Variants in FHIT observed in about 807,000 individuals in gnomAD.
FHIT encodes the protein bis(5'-adenosyl)-triphosphatase.
Under a neutral mutation model 17.9 loss-of-function variants are expected in FHIT, and 19 were observed. That is an observed-to-expected ratio of 1.06 (90% CI 0.74 to 1.56). FHIT has a LOEUF of 1.56. Ranked by LOEUF, FHIT falls within the 40% of genes most tolerant of loss-of-function variation. The pLI is 0.00. For synonymous variants in FHIT, 81 were observed against 69.7 expected (o/e 1.16, Z -0.81); for missense variants, 248 against 189.2 (o/e 1.31, Z -1.82).
intron 4 of FHIT, among the ~76,000 whole-genome samples, chr3:60,686,427 A>G (rs534215508): frequency 5.9e-5 from 9 of 152,222 alleles, no homozygotes; most frequent in Non-Finnish European, 4.4e-5. Context: ...TTACTTTTGC[A>G]CCAACCTAAT....
intron 3 of FHIT, among the ~76,000 whole-genome samples, chr3:60,860,762 AT>A (rs377160713): frequency 0.4 from 5,237 of 13,082 alleles, 2,221 homozygotes; most frequent in Non-Finnish European, 0.6. Context: ...GGTATATATG[AT>A]ACATATGTAT....
rs183365175 is a variant in FHIT, at chr3:60,079,937, T to C, written c.104-65785A>G. ...AGGTACAGTAAAGATGTGCTAATGA[T>C]AGATTTTTTTTCTACTCCAATATGT... is the stretch of plus-strand genomic sequence containing the variant. On this transcript the variant is annotated intron_variant, in intron 5 of 9. Transcript: ENST00000492590. 2.0e-3 allele frequency among the ~76,000 whole-genome samples: 300 copies of C among 152,300 alleles called. 2 individuals are homozygous for C. Among genetic ancestry groups the C allele is most frequent in the Non-Finnish European group, 3.2e-3 (219 of 68,024 alleles).
intron 5 of FHIT, among the ~76,000 whole-genome samples, chr3:60,129,053 GTTT>G (rs72428863): frequency 2.4e-5 from 3 of 123,484 alleles, no homozygotes; most frequent in Admixed American, 8.6e-5. Context: ...TTTTTTGTTT[GTTT>G]TTTTTTTTTT....
chr3:59,928,719 G>A (rs116391701), intron 7 of FHIT, among the ~76,000 whole-genome samples: 3,844 of 152,270 alleles, frequency 0.025, 173 homozygotes, highest in African/African-American at 0.087. Flanking sequence ...CAGATAGGCC[G>A]GGTGCGGCGG....
At chr3:60,184,372 AGTTG>A in intron 5 of FHIT, among the ~76,000 whole-genome samples, 1 of 150,820 alleles carries the variant, frequency 6.6e-6, no homozygotes, top group Admixed American at 6.6e-5. Context: ...GACTTTTCTT[AGTTG>A]TGACAGTTTA....
chr3:60,220,856 C>A (rs959695403), intron 5 of FHIT, among the ~76,000 whole-genome samples: 1 of 152,106 alleles, frequency 6.6e-6, no homozygotes, highest in Non-Finnish European at 1.5e-5. Flanking sequence ...AAGCCACAGT[C>A]GATGCCATTT....
chr3:60,472,682 G>C (rs536911301), intron 5 of FHIT, among the ~76,000 whole-genome samples: 2 of 152,070 alleles, frequency 1.3e-5, no homozygotes, highest in African/African-American at 4.8e-5. Context: ...TAAAAGCAGC[G>C]CTCGTCTTTG....
chr3:60,316,861 C>T lies in FHIT; in HGVS notation c.103+219999G>A, dbSNP rs1348018832. Among the ~76,000 whole-genome samples the T allele has an allele frequency of 2.0e-5, 3 of 152,262 alleles. No homozygotes were observed. In the East Asian group the frequency reaches 5.8e-4, roughly 29 times the overall value. ...TTGATTACTGATGGATTATACACAG[C>T]AATGTAGTGTGGTCTGAGGACTTTG... On this transcript the variant is annotated intron_variant, in intron 5 of 9. Coordinates refer to ENST00000492590, the MANE Select transcript of FHIT (RefSeq NM_002012.4).
chr3:60,820,161 A>T (rs1317593272), intron 4 of FHIT, among the ~76,000 whole-genome samples: 1 of 152,062 alleles, frequency 6.6e-6, no homozygotes, highest in African/African-American at 2.4e-5. Context: ...TACAAAAATT[A>T]GGTGGGCCTG....
At chr3:60,272,073 C>A (rs1370062569) in intron 5 of FHIT, among the ~76,000 whole-genome samples, 1 of 152,176 alleles carries the variant, frequency 6.6e-6, no homozygotes, top group Non-Finnish European at 1.5e-5. Flanking sequence ...TCAAGCTCTA[C>A]ACCACGCTGC....
In FHIT at chr3:60,267,656, A is replaced by G. The variant is rs185376104; in HGVS notation, c.104-253504T>C. On this transcript the variant is annotated intron_variant, in intron 5 of 9. Coordinates refer to ENST00000492590, the MANE Select transcript of FHIT (RefSeq NM_002012.4). ...ATATGACCGTTCTTCCACACTTAGC[A>G]TTTTCTACTGTATACATCATTAATT... Among the ~76,000 whole-genome samples, 13 of 152,162 alleles carry G rather than the reference A, an allele frequency of 8.5e-5. No individual in the cohort carries two copies. The East Asian group carries it at 1.7e-3, about 20-fold the overall frequency.
At chr3:60,956,367 G>T (rs1306343460) in intron 3 of FHIT, among the ~76,000 whole-genome samples, 2 of 152,106 alleles carry the variant, frequency 1.3e-5, no homozygotes, top group African/African-American at 4.8e-5. Flanking sequence ...CAGGGTGTAG[G>T]CAGCCTTTCA....
intron 5 of FHIT, among the ~76,000 whole-genome samples, chr3:60,046,329 A>C (rs1271984538): frequency 1.3e-5 from 2 of 152,226 alleles, no homozygotes; most frequent in Non-Finnish European, 2.9e-5. Context: ...TGAACAGAAC[A>C]CCAATGAATT....
At chr3:61,238,105 C>A (rs776642895) in intron 1 of FHIT, among the ~76,000 whole-genome samples, 1 of 152,068 alleles carries the variant, frequency 6.6e-6, no homozygotes, top group African/African-American at 2.4e-5. Flanking sequence ...TTGTCCCTGC[C>A]CTCATAGTGC....
At chr3:61,035,721 T>A (rs1575880576) in intron 3 of FHIT, among the ~76,000 whole-genome samples, 1 of 152,158 alleles carries the variant, frequency 6.6e-6, no homozygotes, top group African/African-American at 2.4e-5. Flanking sequence ...TGACATAACA[T>A]CTCCTTTTAA....
intron 3 of FHIT, among the ~76,000 whole-genome samples, chr3:60,900,568 C>A (rs892533256): frequency 1.3e-5 from 2 of 151,964 alleles, no homozygotes; most frequent in Non-Finnish European, 2.9e-5. Context: ...CCCTGCCAAC[C>A]ATATTTGAGC....
chr3:59,928,410 T>C (rs1222116763), intron 7 of FHIT, among the ~76,000 whole-genome samples: 2 of 152,166 alleles, frequency 1.3e-5, no homozygotes, highest in Non-Finnish European at 2.9e-5. Context: ...ATCAAAATTG[T>C]AAACTTTCTA....
intron 7 of FHIT, among the ~76,000 whole-genome samples, chr3:59,970,201 A>G (rs933718845): frequency 6.6e-6 from 1 of 152,180 alleles, no homozygotes; most frequent in African/African-American, 2.4e-5. Flanking sequence ...AATACAGATA[A>G]ATGTACTGTA....
intron 7 of FHIT, among the ~76,000 whole-genome samples, chr3:59,953,846 C>A (rs1034219421): frequency 1.3e-5 from 2 of 152,202 alleles, no homozygotes; most frequent in African/African-American, 4.8e-5. Flanking sequence ...GAGTGTGTGC[C>A]TGGTACCTAC....
Sources: gnomAD v4.1 joint callset for allele counts (sites outside exome capture counted in the v4.1 genomes callset) on GRCh38, gnomAD v4.1.1 for gene constraint, MANE v1.5 for transcripts, NCBI Gene and HGNC (gene_info 2026-07-23, HGNC 2026-07-21) for gene names.